Variants in CCL28 observed in about 807,000 individuals in gnomAD.
The protein encoded by CCL28 is C-C motif chemokine ligand 28.
Under a neutral mutation model 7.1 loss-of-function variants are expected in CCL28, and 4 were observed. The observed-to-expected ratio is 0.56, with a 90% confidence interval of 0.28 to 1.29. The LOEUF is 1.29. Among genes scored for constraint, CCL28 ranks in the 50% most tolerant of loss-of-function variants. The pLI, the probability that CCL28 is intolerant of heterozygous loss-of-function variation, is 0.11. For missense variants in CCL28, 151 were observed against 163.4 expected (o/e 0.92, Z 0.41); for synonymous variants, 55 against 57.8 (o/e 0.95, Z 0.22).
At chr5:43,382,129 TC>T in intron 2 of CCL28, 77 bp from the exon 3 acceptor site, 2 of 1,331,958 alleles carry the variant, frequency 1.5e-6, no homozygotes, top group South Asian at 2.9e-5. Context: ...TACATGCAGC[TC>T]CCACTTTGGG....
In CCL28 at chr5:43,381,958, C is replaced by G; in HGVS notation, c.286G>C (p.Gly96Arg). The change falls in exon 3 of 3, where the codon GGA (glycine) becomes CGA (arginine). Residue 96 changes from glycine to arginine, a missense_variant. Physicochemically the swap from Gly to Arg is moderately radical, Grantham distance 125. Transcript: ENST00000361115. The part of the protein sequence containing the change: ...KVQAAKKNGK[G>R]NVCHRKKHHG... ...TGTTTCTTCCTGTGGCAAACATTTCCTTTACCATTTTTCTTGGCAGCTTGC... is the reference window on the plus strand; with the variant it reads ...TGTTTCTTCCTGTGGCAAACATTTCGTTTACCATTTTTCTTGGCAGCTTGC... 6.2e-7 allele frequency: 1 copy of G among 1,614,120 alleles called. No homozygotes were observed. The highest frequency in any genetic ancestry group is 8.5e-7 in the Non-Finnish European group (1 of 1,179,998).
chr5:43,388,531 A>G, intron 1 of CCL28, 55 bp from the exon 2 acceptor site: 2 of 1,545,380 alleles, frequency 1.3e-6, no homozygotes, highest in Non-Finnish European at 1.8e-6. Flanking sequence ...GAACACTGGC[A>G]TGGTTCTCAT....
At position 43,401,039 on chromosome 5, in the gene CCL28, C is replaced by T. The variant is rs539100843; in HGVS notation, c.64+11214G>A. Among the ~76,000 whole-genome samples the T allele has an allele frequency of 6.4e-4, 96 of 150,606 alleles. 2 individuals are homozygous for T. The highest frequency in any genetic ancestry group is 2.4e-4 in the Non-Finnish European group (16 of 67,834). On this transcript the variant is annotated intron_variant, in intron 1 of 2. Coordinates refer to ENST00000361115, the MANE Select transcript of CCL28 (RefSeq NM_148672.3). ...CAGAGGTTGCAGTGAGCAGAGACCA[C>T]GCCACTGCACTCCAGTGTGGGCAAC...
intron 1 of CCL28, among the ~76,000 whole-genome samples, chr5:43,400,138 A>C (rs1015913420): frequency 1.3e-5 from 2 of 151,942 alleles, no homozygotes; most frequent in African/African-American, 4.8e-5. Flanking sequence ...GAGCCACTGC[A>C]CCTGGCCTTA....
At chr5:43,391,801 G>A (rs1740583460) in intron 1 of CCL28, among the ~76,000 whole-genome samples, 2 of 152,190 alleles carry the variant, frequency 1.3e-5, no homozygotes, top group Non-Finnish European at 2.9e-5. Flanking sequence ...ATATGCAGAA[G>A]AAAGTATATT....
rs1740431818 is a variant in CCL28, at chr5:43,388,458, G to A, written c.83C>T (p.Ser28Phe). ...ATGTGAAACCTCCGTGCAACAGCTG[G>A]AGGCAATGGGAAGTATGGCTAAAAG... ...HASEAILPIA[S>F]SCCTEVSHHI... Residue 28 changes from serine (S) to phenylalanine (F), a missense_variant, in exon 2 of 3, where the codon TCC (serine) becomes TTC (phenylalanine). Ser to Phe is a radical substitution (Grantham distance 155, BLOSUM62 -2). Transcript: ENST00000361115. The A allele has an allele frequency of 6.2e-7, 1 of 1,613,900 alleles. No homozygotes were observed. The highest frequency in any genetic ancestry group is 1.3e-5 in the African/African-American group (1 of 74,906).
chr5:43,406,073 A>G (rs1047334081), intron 1 of CCL28, among the ~76,000 whole-genome samples: 1 of 152,040 alleles, frequency 6.6e-6, no homozygotes, highest in African/African-American at 2.4e-5. Flanking sequence ...GAGGTACAAG[A>G]AGGAGCTGGT....
Position 43,380,453 on chromosome 5 carries a change from C to G in CCL28, c.*1407G>C, listed in dbSNP as rs115802059. 6.6e-6 allele frequency: 1 copy of G among 152,070 alleles called. No homozygotes were observed. The highest frequency in any genetic ancestry group is 1.9e-4 in the East Asian group (1 of 5,194). The allele number at this position is 152,070 out of a possible 1,614,324, so 9.4% of individuals were successfully genotyped here. On this transcript the variant is annotated 3_prime_UTR_variant, in exon 3 of 3. Coordinates refer to ENST00000361115, the MANE Select transcript of CCL28 (RefSeq NM_148672.3). ...AACTCTAAATGACAAAATAAGTACACGAATTCACGTAGGAAATTCTTAACC... is the reference window on the plus strand; with the variant it reads ...AACTCTAAATGACAAAATAAGTACAGGAATTCACGTAGGAAATTCTTAACC...
chr5:43,361,327 T>C, the CCL28 span, among the ~76,000 whole-genome samples: 2 of 152,198 alleles, frequency 1.3e-5, no homozygotes, highest in African/African-American at 4.8e-5. Context: ...ATTCCTTTGA[T>C]AGCCATTCTT....
At chr5:43,404,927 G>C (rs10044795) in intron 1 of CCL28, among the ~76,000 whole-genome samples, 1 of 152,038 alleles carries the variant, frequency 6.6e-6, no homozygotes, top group African/African-American at 2.4e-5. Flanking sequence ...ATTACATAAC[G>C]GTAAAGGTAT....
At chr5:43,395,539 G>A (rs923789742) in intron 1 of CCL28, among the ~76,000 whole-genome samples, 3 of 151,942 alleles carry the variant, frequency 2.0e-5, no homozygotes, top group Non-Finnish European at 4.4e-5. Flanking sequence ...TTAGCCAGGC[G>A]TTGTGGCCCA....
downstream of CCL28, among the ~76,000 whole-genome samples, chr5:43,374,009 T>G (rs544242125): frequency 6.6e-6 from 1 of 152,236 alleles, no homozygotes; most frequent in East Asian, 1.9e-4. Context: ...TAATTTAACA[T>G]AGTTTCCTAG....
chr5:43,365,031 C>T, the CCL28 span, among the ~76,000 whole-genome samples: 10 of 117,446 alleles, frequency 8.5e-5, no homozygotes, highest in Non-Finnish European at 1.5e-4. Flanking sequence ...TTTGAGATGG[C>T]GTCTTGGTCT....
At chr5:43,410,093 C>T (rs960849410) in intron 1 of CCL28, among the ~76,000 whole-genome samples, 2 of 152,224 alleles carry the variant, frequency 1.3e-5, no homozygotes, top group Admixed American at 6.5e-5. Flanking sequence ...AAATATATTT[C>T]CCAAAGTTCC....
rs756916546 is a variant in CCL28 at position 43,412,246 on chromosome 5, C to G, written c.64+7G>C. 1.9e-6 allele frequency: 3 copies of G among 1,609,926 alleles called. No individual in the cohort carries two copies. The South Asian group carries it at 3.3e-5, about 18-fold the overall frequency. On this transcript the variant is annotated splice_region_variant and intron_variant, in intron 1 of 2. Coordinates refer to ENST00000361115, the MANE Select transcript of CCL28 (RefSeq NM_148672.3). ...TGAAGGCCTAAGTGTCCAGTGCCCC[C>G]ACTCACCTTCTGAGGCATGTAGGGC...
At chr5:43,370,700 T>G in the CCL28 span, among the ~76,000 whole-genome samples, 8 of 151,962 alleles carry the variant, frequency 5.3e-5, no homozygotes, top group Admixed American at 5.2e-4. Context: ...GTCCTCTGGA[T>G]GTATTCCAGA....
chr5:43,359,776 G>T, the CCL28 span, among the ~76,000 whole-genome samples: 1 of 152,040 alleles, frequency 6.6e-6, no homozygotes, highest in Non-Finnish European at 1.5e-5. Flanking sequence ...ACCTAAGACT[G>T]GTCTTTTGAG....
At chr5:43,367,946 C>G in the CCL28 span, among the ~76,000 whole-genome samples, 1 of 152,206 alleles carries the variant, frequency 6.6e-6, no homozygotes, top group Non-Finnish European at 1.5e-5. Flanking sequence ...CTACCCAGAA[C>G]TGCCATGAAG....
At chr5:43,374,347 G>A (rs977394842), downstream of CCL28, among the ~76,000 whole-genome samples, 6 of 152,332 alleles carry the variant, frequency 3.9e-5, no homozygotes, top group African/African-American at 1.2e-4. Flanking sequence ...AGGATGGAAT[G>A]AGCTTGGAGT....
Sources: gnomAD v4.1 joint callset for allele counts (sites outside exome capture counted in the v4.1 genomes callset) on GRCh38, gnomAD v4.1.1 for gene constraint, MANE v1.5 for transcripts, NCBI Gene and HGNC (gene_info 2026-07-23, HGNC 2026-07-21) for gene names.